Variants in FRMD4A observed in about 807,000 individuals in gnomAD.
FRMD4A encodes FERM domain-containing protein 4A.
A neutral mutation model predicts 129.1 loss-of-function variants in FRMD4A; 29 were observed. The ratio of observed to expected loss-of-function variants is 0.22; its 90% confidence interval spans 0.17 to 0.31. FRMD4A has a LOEUF of 0.31. FRMD4A is among the 10% of genes least tolerant of loss of function. The probability of loss-of-function intolerance (pLI) is 1.00; values close to 1 mark genes in which losing one functional copy is unlikely to be tolerated. For synonymous variants in FRMD4A, 634 were observed against 571.6 expected (o/e 1.11, Z -1.56); for missense variants, 1,272 against 1,375.8 (o/e 0.92, Z 1.19).
intron 2 of FRMD4A, among the ~76,000 whole-genome samples, chr10:14,075,047 GCAAAC>G (rs1218217492): frequency 6.6e-6 from 1 of 152,156 alleles, no homozygotes. Context: ...AAAAAAGCAA[GCAAAC>G]TATGGTAACT....
chr10:14,246,898 C>G (rs1301669969), intron 2 of FRMD4A, among the ~76,000 whole-genome samples: 1 of 151,922 alleles, frequency 6.6e-6, no homozygotes, highest in Non-Finnish European at 1.5e-5. Flanking sequence ...TGCCCAGGGA[C>G]CCAGGCAAGG....
At chr10:14,267,098 G>C (rs1319964595) in intron 2 of FRMD4A, among the ~76,000 whole-genome samples, 1 of 152,230 alleles carries the variant, frequency 6.6e-6, no homozygotes, top group African/African-American at 2.4e-5. Flanking sequence ...TGTACACAAA[G>C]AAGATATAAT....
intron 2 of FRMD4A, among the ~76,000 whole-genome samples, chr10:14,012,855 A>G (rs1429875418): frequency 6.6e-6 from 1 of 152,188 alleles, no homozygotes; most frequent in African/African-American, 2.4e-5. Flanking sequence ...TCACATGTGC[A>G]TCTGACCTCA....
intron 2 of FRMD4A, among the ~76,000 whole-genome samples, chr10:14,015,283 TTCCC>T (rs1296118985): frequency 9.2e-6 from 1 of 108,828 alleles, no homozygotes; most frequent in Non-Finnish European, 1.8e-5. Flanking sequence ...TCTTCCTTCC[TTCCC>T]TCCCTCCCTT....
At chr10:13,965,065 AT>A (rs398012865) in intron 2 of FRMD4A, among the ~76,000 whole-genome samples, 2,505 of 140,936 alleles carry the variant, frequency 0.018, 23 homozygotes, top group South Asian at 0.022. Flanking sequence ...ACCACTGGGC[AT>A]TTTTTTTTTT....
chr10:14,226,537 T>C (rs1002262935), intron 2 of FRMD4A, among the ~76,000 whole-genome samples: 2 of 152,172 alleles, frequency 1.3e-5, no homozygotes, highest in African/African-American at 2.4e-5. Flanking sequence ...CCGGGCGCCA[T>C]ACTGGAAGGA....
intron 9 of FRMD4A, 34 bp downstream of exon 9, chr10:13,747,702 G>GACTC (rs761628750): frequency 8.7e-7 from 1 of 1,146,020 alleles, no homozygotes; most frequent in Non-Finnish European, 1.3e-6. Flanking sequence ...CCCCGAGAGG[G>GACTC]ACTCGCTCCT....
At chr10:13,712,856 G>A (rs1342466143) in intron 12 of FRMD4A, among the ~76,000 whole-genome samples, 2 of 152,238 alleles carry the variant, frequency 1.3e-5, no homozygotes, top group African/African-American at 4.8e-5. Flanking sequence ...AGTACTTAAT[G>A]AGCAGGGACC....
intron 2 of FRMD4A, among the ~76,000 whole-genome samples, chr10:14,125,772 C>T (rs976173876): frequency 9.9e-5 from 15 of 152,282 alleles, no homozygotes; most frequent in African/African-American, 3.1e-4. Context: ...CACACATACA[C>T]GGCTCCTGCT....
intron 2 of FRMD4A, among the ~76,000 whole-genome samples, chr10:13,897,129 C>T (rs2131180862): frequency 6.6e-6 from 1 of 152,242 alleles, no homozygotes; most frequent in South Asian, 2.1e-4. Context: ...GCTGACCAGC[C>T]CTAACATGTA....
chr10:14,308,733 T>G (rs191652529), intron 2 of FRMD4A, among the ~76,000 whole-genome samples: 226 of 152,348 alleles, frequency 1.5e-3, no homozygotes, highest in African/African-American at 5.3e-3. Flanking sequence ...AACAATGTCC[T>G]GATACCCTGC....
rs1565204430 is a variant in FRMD4A, at chr10:14,039,386, C to CTAT, written c.46-180475_46-180474insATA. Among the ~76,000 whole-genome samples, 17 of 125,428 alleles carry CTAT rather than the reference C, an allele frequency of 1.4e-4. 1 individual carries two copies. The highest frequency in any genetic ancestry group is 5.6e-4 in the African/African-American group (17 of 30,316). 82.3% of individuals were successfully genotyped at this position (125,428 alleles called of 152,430 possible). Reference sequence around the variant, plus strand: ...TCCGTCCGTCCATCCATCCATCCATCCATCCATCCATCCATCCATCCATCT... The same window carrying CTAT: ...TCCGTCCGTCCATCCATCCATCCATCTATCATCCATCCATCCATCCATCCATCT... On this transcript the variant is annotated intron_variant, in intron 2 of 24. Coordinates refer to ENST00000357447, the MANE Select transcript of FRMD4A (RefSeq NM_018027.5).
intron 8 of FRMD4A, among the ~76,000 whole-genome samples, chr10:13,749,839 A>C (rs1031149089): frequency 6.6e-6 from 1 of 151,760 alleles, no homozygotes; most frequent in Non-Finnish European, 1.5e-5. Context: ...AAATACAAAA[A>C]TTAGCCATGC....
intron 15 of FRMD4A, among the ~76,000 whole-genome samples, chr10:13,676,428 A>ATTT (rs60180649): frequency 7.8e-6 from 1 of 128,886 alleles, no homozygotes; most frequent in African/African-American, 2.9e-5. Context: ...ACACCCAGCT[A>ATTT]TTTTTTTTTT....
chr10:14,000,132 C>A (rs1477906380), intron 2 of FRMD4A, among the ~76,000 whole-genome samples: 1 of 152,096 alleles, frequency 6.6e-6, no homozygotes, highest in East Asian at 1.9e-4. Context: ...TTCATCCACT[C>A]CCAGATTAGA....
At chr10:14,153,380 G>A (rs941662140) in intron 2 of FRMD4A, among the ~76,000 whole-genome samples, 17 of 152,248 alleles carry the variant, frequency 1.1e-4, no homozygotes, top group African/African-American at 2.9e-4. Flanking sequence ...CAAATGATGC[G>A]TGTACTCCCC....
intron 2 of FRMD4A, among the ~76,000 whole-genome samples, chr10:14,301,645 T>G (rs1846189915): frequency 6.6e-6 from 1 of 152,234 alleles, no homozygotes; most frequent in African/African-American, 2.4e-5. Context: ...TGCATTATCT[T>G]CTTTCTATAA....
intron 2 of FRMD4A, among the ~76,000 whole-genome samples, chr10:14,170,966 G>A (rs1193891984): frequency 6.6e-6 from 1 of 151,378 alleles, no homozygotes; most frequent in Non-Finnish European, 1.5e-5. Flanking sequence ...AGTGCTCCCT[G>A]CAAATTTTGC....
chr10:13,998,184 A>T (rs559832902), intron 2 of FRMD4A, among the ~76,000 whole-genome samples: 1 of 152,158 alleles, frequency 6.6e-6, no homozygotes, highest in African/African-American at 2.4e-5. Context: ...AGATGTTATC[A>T]TATAGTCCTC....
Sources: allele counts gnomAD v4.1 joint callset (sites outside exome capture counted in the v4.1 genomes callset), GRCh38; gene constraint gnomAD v4.1.1; transcripts MANE v1.5; gene names NCBI Gene and HGNC (gene_info 2026-07-23, HGNC 2026-07-21).